The following ADCY2 variants were observed in gnomAD, a reference collection of about 807,000 sequenced individuals.
The protein encoded by ADCY2 is adenylate cyclase 2, also known as adenylate cyclase type 2.
A neutral mutation model predicts 125.2 loss-of-function variants in ADCY2; 31 were observed. That is an observed-to-expected ratio of 0.25 (90% confidence interval 0.19 to 0.33). The LOEUF is 0.33. ADCY2 is among the 10% of genes least tolerant of loss of function. The probability of loss-of-function intolerance (pLI) is 1.00; values close to 1 mark genes in which losing one functional copy is unlikely to be tolerated. For missense variants in ADCY2, 904 were observed against 1,418.2 expected, an observed-to-expected ratio of 0.64 and a Z score of 5.82; for synonymous variants, 512 against 548.4, an observed-to-expected ratio of 0.93 and a Z score of 0.93.
chr5:7,788,717 G>GAC lies in ADCY2; in HGVS notation c.2470-925_2470-924insAC, dbSNP rs1744159663. On this transcript the variant is annotated intron_variant, in intron 19 of 24. Transcript: ENST00000338316. ...ATCTGTGTGCATGTGTGTGTGTTTT[G>GAC]TGTTACTTTGTACTGTCATTGGTAG... Among the ~76,000 whole-genome samples, 3 of 152,070 alleles carry GAC rather than the reference G, an allele frequency of 2.0e-5. No homozygotes were observed. The East Asian group carries it at 5.8e-4, about 29-fold the overall frequency.
chr5:7,426,141 G>T (rs1740377997), intron 2 of ADCY2, among the ~76,000 whole-genome samples: 1 of 152,178 alleles, frequency 6.6e-6, no homozygotes, highest in Non-Finnish European at 1.5e-5. Context: ...CACTGCTCTG[G>T]CCAGACAGCT....
At chr5:7,425,586 G>C (rs934127828) in intron 2 of ADCY2, among the ~76,000 whole-genome samples, 1 of 152,214 alleles carries the variant, frequency 6.6e-6, no homozygotes. Context: ...ATTATTTCCT[G>C]TGAAAAGTTG....
intron 4 of ADCY2, chr5:7,685,100 G>A (rs2126718570): frequency 6.6e-6 from 1 of 152,296 alleles, no homozygotes. Context: ...CCCAGACTCA[G>A]CCTCCTCCCT....
chr5:7,567,957 CTCTCTG>C (rs2126596344), intron 3 of ADCY2, among the ~76,000 whole-genome samples: 1 of 151,048 alleles, frequency 6.6e-6, no homozygotes, highest in Non-Finnish European at 1.5e-5. Flanking sequence ...CTCTCTCTCT[CTCTCTG>C]TCAGATGTCT....
chr5:7,470,515 T>G (rs186733815), intron 2 of ADCY2, among the ~76,000 whole-genome samples: 212 of 148,444 alleles, frequency 1.4e-3, no homozygotes, highest in African/African-American at 5.1e-3. Context: ...TAATTATAAT[T>G]ATATGAAACT....
intron 4 of ADCY2, among the ~76,000 whole-genome samples, chr5:7,645,620 A>G (rs1214045686): frequency 6.6e-6 from 1 of 152,228 alleles, no homozygotes. Flanking sequence ...TCTGCCCAGT[A>G]ACAACTTTAT....
At chr5:7,415,794 CTGACAGCG>C (rs1413187378) in intron 2 of ADCY2, among the ~76,000 whole-genome samples, 1 of 152,138 alleles carries the variant, frequency 6.6e-6, no homozygotes, top group Middle Eastern at 3.2e-3. Flanking sequence ...GCATATTCAT[CTGACAGCG>C]TGATAAATGG....
chr5:7,726,846 C>T (rs932794698), intron 13 of ADCY2, among the ~76,000 whole-genome samples: 30 of 152,174 alleles, frequency 2.0e-4, no homozygotes, highest in South Asian at 2.1e-4. Flanking sequence ...AGGTCACAGG[C>T]GCGATTCACA....
chr5:7,825,643 A>G (rs1287996931), intron 24 of ADCY2, among the ~76,000 whole-genome samples: 5 of 152,228 alleles, frequency 3.3e-5, no homozygotes, highest in Non-Finnish European at 5.9e-5. Flanking sequence ...CTGCTAGGGG[A>G]CACTGGGTGG....
intron 2 of ADCY2, among the ~76,000 whole-genome samples, chr5:7,497,989 C>T (rs1050978308): frequency 8.6e-5 from 13 of 152,038 alleles, no homozygotes; most frequent in Non-Finnish European, 1.6e-4. Flanking sequence ...CATGGGTGAA[C>T]ATTTACAGTG....
At chr5:7,671,735 A>G (rs780314516) in intron 4 of ADCY2, among the ~76,000 whole-genome samples, 6 of 152,068 alleles carry the variant, frequency 3.9e-5, no homozygotes, top group South Asian at 2.1e-4. Flanking sequence ...AGAATTAGCT[A>G]CTGAGTGGGG....
intron 2 of ADCY2, among the ~76,000 whole-genome samples, chr5:7,463,042 A>C (rs1741970052): frequency 6.6e-6 from 1 of 152,344 alleles, no homozygotes; most frequent in Admixed American, 6.5e-5. Context: ...CTGTCCATGA[A>C]CTTGAGATTT....
chr5:7,758,499 AT>A lies in ADCY2; in HGVS notation c.2094+915del, dbSNP rs368634793. On this transcript the variant is annotated intron_variant, in intron 16 of 24. Coordinates refer to ENST00000338316, the MANE Select transcript of ADCY2 (RefSeq NM_020546.3). ...GCCAGGTTGTGGTGACAGACCATAT[AT>A]TATTTCATAATAATAACGTCGTTTT... 5.3e-5 allele frequency among the ~76,000 whole-genome samples: 8 copies of A among 152,334 alleles called. No individual in the cohort carries two copies. In the South Asian group the frequency reaches 1.7e-3, roughly 32 times the overall value.
chr5:7,801,905 T>A (rs1744609075), intron 20 of ADCY2: 2 of 249,700 alleles, frequency 8.0e-6, no homozygotes, highest in African/African-American at 2.2e-5. Context: ...TCCCTTCAGT[T>A]GTTGAAAGGA....
chr5:7,591,645 T>G (rs1349143063), intron 3 of ADCY2, among the ~76,000 whole-genome samples: 2 of 152,112 alleles, frequency 1.3e-5, no homozygotes, highest in East Asian at 3.9e-4. Flanking sequence ...GCTAGAGAGT[T>G]AGAGGGAAGA....
intron 17 of ADCY2, among the ~76,000 whole-genome samples, chr5:7,768,248 A>G (rs955101491): frequency 6.6e-6 from 1 of 152,178 alleles, no homozygotes; most frequent in African/African-American, 2.4e-5. Context: ...TGCCTTCTCT[A>G]TTTAGTTATG....
At chr5:7,816,578 G>T (rs539213629) in intron 22 of ADCY2, among the ~76,000 whole-genome samples, 53 of 152,346 alleles carry the variant, frequency 3.5e-4, no homozygotes, top group African/African-American at 1.2e-3. Context: ...GTGATTTCTG[G>T]ACTAATACGA....
chr5:7,613,599 G>A (rs1374828271), intron 3 of ADCY2, among the ~76,000 whole-genome samples: 3 of 152,330 alleles, frequency 2.0e-5, no homozygotes, highest in Non-Finnish European at 4.4e-5. Context: ...GAGCTTTGGT[G>A]TGCAAAGTTT....
chr5:7,689,114 T>C (rs1023098282), intron 4 of ADCY2, among the ~76,000 whole-genome samples: 1 of 152,198 alleles, frequency 6.6e-6, no homozygotes, highest in Non-Finnish European at 1.5e-5. Context: ...GATCAGGCCA[T>C]GCCCTTTCAA....
Sources: allele counts gnomAD v4.1 joint callset (sites outside exome capture counted in the v4.1 genomes callset), GRCh38; gene constraint gnomAD v4.1.1; transcripts MANE v1.5; gene names NCBI Gene and HGNC (gene_info 2026-07-23, HGNC 2026-07-21).